Variants in RBFOX1 observed in about 807,000 individuals in gnomAD.
RBFOX1 encodes RNA binding fox-1 homolog 1, also known as RNA binding protein fox-1 homolog 1.
A neutral mutation model predicts 57.7 loss-of-function variants in RBFOX1; 8 were observed. The observed-to-expected ratio is 0.14, with a 90% CI of 0.08 to 0.25. The LOEUF (loss-of-function observed/expected upper bound fraction) is 0.25, where lower values mean the gene tolerates loss of function less well. Among genes scored for constraint, RBFOX1 ranks in the 10% least tolerant of loss-of-function variants. The pLI is 1.00. For synonymous variants in RBFOX1, 326 were observed against 222.4 expected, an observed-to-expected ratio of 1.47 and a Z score of -4.15; for missense variants, 611 against 548.5, an observed-to-expected ratio of 1.11 and a Z score of -1.14.
At chr16:5,518,529 G>C (rs1348369866) in intron 2 of RBFOX1, among the ~76,000 whole-genome samples, 1 of 152,198 alleles carries the variant, frequency 6.6e-6, no homozygotes, top group African/African-American at 2.4e-5. Context: ...GTCAACCAGT[G>C]ATGCCAAAAA....
intron 4 of RBFOX1, among the ~76,000 whole-genome samples, chr16:7,152,271 C>T (rs1386932782): frequency 6.6e-6 from 1 of 152,122 alleles, no homozygotes; most frequent in African/African-American, 2.4e-5. Flanking sequence ...AGTAAACCCA[C>T]CCATGGAAAG....
chr16:5,761,045 T>G lies in RBFOX1; in HGVS notation c.319-106258T>G, dbSNP rs147315058. Among the ~76,000 whole-genome samples, 240 of 152,318 alleles carry G rather than the reference T, an allele frequency of 1.6e-3. 1 individual carries two copies. Among genetic ancestry groups the G allele is most frequent in the African/African-American group, 5.5e-3 (227 of 41,570 alleles). On this transcript the variant is annotated intron_variant, in intron 3 of 19. Coordinates refer to the RBFOX1 transcript ENST00000641259. ...TGGTAATTGATAGGATGGTGGCCAGTAGAAGGTTCTGGGGCAGGAAGGATC... is the reference window on the plus strand; with the variant it reads ...TGGTAATTGATAGGATGGTGGCCAGGAGAAGGTTCTGGGGCAGGAAGGATC...
At chr16:5,952,958 A>G (rs1404325475) in intron 4 of RBFOX1, among the ~76,000 whole-genome samples, 2 of 152,200 alleles carry the variant, frequency 1.3e-5, no homozygotes, top group African/African-American at 4.8e-5. Flanking sequence ...GGTTTTTACA[A>G]GCACTTCAGA....
At chr16:7,336,048 A>G (rs574478071) in intron 4 of RBFOX1, among the ~76,000 whole-genome samples, 1 of 152,286 alleles carries the variant, frequency 6.6e-6, no homozygotes, top group East Asian at 1.9e-4. Context: ...ATATCTTTGG[A>G]TAAGAAGAAC....
intron 1 of RBFOX1, among the ~76,000 whole-genome samples, chr16:6,138,086 A>G (rs995561206): frequency 6.6e-6 from 1 of 152,158 alleles, no homozygotes; most frequent in Non-Finnish European, 1.5e-5. Context: ...CCTAAGCTGT[A>G]TTTTTGAGAT....
At chr16:7,672,739 T>A (rs1180795373) in intron 13 of RBFOX1, among the ~76,000 whole-genome samples, 2 of 151,650 alleles carry the variant, frequency 1.3e-5, no homozygotes, top group Non-Finnish European at 2.9e-5. Flanking sequence ...TGGTGGCACA[T>A]GCCTGCAGTC....
intron 1 of RBFOX1, among the ~76,000 whole-genome samples, chr16:6,116,981 C>G (rs1045196082): frequency 5.3e-5 from 8 of 152,178 alleles, no homozygotes; most frequent in Non-Finnish European, 1.2e-4. Context: ...ACTAGAAGTC[C>G]TTTCAAGAGC....
chr16:5,976,132 G>A (rs2060057679), intron 4 of RBFOX1, among the ~76,000 whole-genome samples: 1 of 151,810 alleles, frequency 6.6e-6, no homozygotes, highest in Non-Finnish European at 1.5e-5. Flanking sequence ...GCAACAGAGT[G>A]AGATTCAATC....
chr16:5,955,341 TAAAATAAAATAAATAAAAATAAAATA>T (rs2059610780), intron 4 of RBFOX1, among the ~76,000 whole-genome samples: 1 of 42,290 alleles, frequency 2.4e-5, no homozygotes, highest in Non-Finnish European at 4.2e-5. Context: ...TAAAATAAAA[TAAAATAAAATAAATAAAAATAAAATA>T]AAATAAAATA....
intron 4 of RBFOX1, among the ~76,000 whole-genome samples, chr16:7,201,621 C>G (rs1027678718): frequency 2.6e-5 from 4 of 152,188 alleles, no homozygotes; most frequent in East Asian, 3.9e-4. Flanking sequence ...CAACACCACG[C>G]CTGGCTAATT....
intron 4 of RBFOX1, among the ~76,000 whole-genome samples, chr16:7,399,098 A>G (rs2098192370): frequency 6.6e-6 from 1 of 152,220 alleles, no homozygotes; most frequent in African/African-American, 2.4e-5. Context: ...TACTCATGTA[A>G]CAAAGCTGCA....
intron 3 of RBFOX1, among the ~76,000 whole-genome samples, chr16:6,970,592 G>A (rs1413698347): frequency 6.6e-6 from 1 of 152,082 alleles, no homozygotes; most frequent in African/African-American, 2.4e-5. Context: ...TTCACATGGT[G>A]GAAGGGAAAA....
At chr16:6,196,535 G>A (rs935873752) in intron 1 of RBFOX1, among the ~76,000 whole-genome samples, 11 of 152,056 alleles carry the variant, frequency 7.2e-5, no homozygotes, top group African/African-American at 1.9e-4. Flanking sequence ...ATATGGATGC[G>A]TGGCTGCGAC....
chr16:5,559,473 CA>C (rs1825617831), intron 2 of RBFOX1, among the ~76,000 whole-genome samples: 1 of 152,154 alleles, frequency 6.6e-6, no homozygotes. Context: ...AACAAGGCTA[CA>C]GTGTTTTTGC....
chr16:5,510,350 C>G (rs557371926), intron 2 of RBFOX1, among the ~76,000 whole-genome samples: 66 of 152,300 alleles, frequency 4.3e-4, no homozygotes, highest in African/African-American at 1.6e-3. Context: ...GTCAGGGGGT[C>G]TGCCTGGTGT....
chr16:5,764,510 G>A (rs756633476), intron 3 of RBFOX1, among the ~76,000 whole-genome samples: 2 of 152,106 alleles, frequency 1.3e-5, no homozygotes, highest in African/African-American at 2.4e-5. Flanking sequence ...TTTCTTTACA[G>A]CAATGCAAGA....
chr16:6,339,791 C>G (rs557169100), intron 2 of RBFOX1, among the ~76,000 whole-genome samples: 3 of 152,116 alleles, frequency 2.0e-5, no homozygotes, highest in Non-Finnish European at 4.4e-5. Context: ...CTGCCTCAGC[C>G]TCCTGAGTAG....
chr16:6,291,285 T>G (rs2077441726), intron 1 of RBFOX1, among the ~76,000 whole-genome samples: 1 of 152,224 alleles, frequency 6.6e-6, no homozygotes, highest in African/African-American at 2.4e-5. Flanking sequence ...AGCCTCATTT[T>G]ACTCCGCTGC....
In RBFOX1 at chr16:6,103,239, T is replaced by C. The variant is rs559373670; in HGVS notation, c.-127+83247T>C. Among the ~76,000 whole-genome samples, 6 of 152,272 alleles carry C rather than the reference T, an allele frequency of 3.9e-5. 1 individual carries two copies. The South Asian group carries it at 1.2e-3, about 32-fold the overall frequency. ...TCTGAACCCTGTGGGTTTAATTCTG[T>C]CTCTGACAGTTACCAGTTTTGTGAC... On this transcript the variant is annotated intron_variant, in intron 1 of 15. Coordinates refer to ENST00000550418, the MANE Select transcript of RBFOX1 (RefSeq NM_018723.4).
Sources: allele counts gnomAD v4.1 joint callset (sites outside exome capture counted in the v4.1 genomes callset), GRCh38; gene constraint gnomAD v4.1.1; transcripts MANE v1.5; gene names NCBI Gene and HGNC (gene_info 2026-07-23, HGNC 2026-07-21).